Variants in SNED1 observed in about 807,000 individuals in gnomAD.
SNED1 encodes sushi, nidogen and EGF like domains 1, also known as sushi, nidogen and EGF-like domain-containing protein 1.
In SNED1, 81 loss-of-function variants were observed where a neutral mutation model predicts 166.7. That is an observed-to-expected ratio of 0.49 (90% CI 0.41 to 0.58). The LOEUF (loss-of-function observed/expected upper bound fraction) is 0.58. Among genes scored for constraint, SNED1 ranks in the 20% least tolerant of loss-of-function variants. SNED1 has a pLI of 0.00. For synonymous variants in SNED1, 762 were observed against 822.0 expected, an observed-to-expected ratio of 0.93 and a Z score of 1.25; for missense variants, 1,604 against 2,000.2, an observed-to-expected ratio of 0.80 and a Z score of 3.78.
chr2:241,063,943 C>T (rs549928937), intron 18 of SNED1, 69 bp from the exon 19 acceptor site: 11 of 1,192,662 alleles, frequency 9.2e-6, no homozygotes, highest in Admixed American at 2.1e-5. Context: ...CCCTTCTTCC[C>T]GCTGTCCTCT....
In SNED1 at chr2:240,999,184, A is replaced by G; in HGVS notation, c.213+134A>G. 1 of 434,150 alleles carries G rather than the reference A, an allele frequency of 2.3e-6. No individual in the cohort carries two copies. The highest frequency in any genetic ancestry group is 3.5e-6 in the Non-Finnish European group (1 of 282,346). The allele number at this position is 434,150 out of a possible 1,614,324, so 26.9% of individuals were successfully genotyped here. A position where few individuals can be genotyped will look rare whatever the true frequency, so the allele number is the denominator to read the frequency against. On this transcript the variant is annotated intron_variant, in intron 1 of 31. Transcript: ENST00000310397. This position sits in a 1 kb window ranked among gnomAD's most constrained non-coding sequence, Gnocchi z 5.8. ...GGGCGGCCCGAGGTGGAATGAGGACAGCGCTTCCTCCTCGGCGGCCAAGGC... is the reference window on the plus strand; with the variant it reads ...GGGCGGCCCGAGGTGGAATGAGGACGGCGCTTCCTCCTCGGCGGCCAAGGC...
chr2:241,024,264 T>TTA (rs2060871972), intron 1 of SNED1, among the ~76,000 whole-genome samples: 1 of 121,840 alleles, frequency 8.2e-6, no homozygotes, highest in Non-Finnish European at 1.8e-5. Flanking sequence ...TTTTTTTTTT[T>TTA]AGACAGAGTC....
Position 241,071,707 on chromosome 2 carries a change from AC to A in SNED1, c.3724del (p.Gln1242SerfsTer15). Reference sequence around the variant, plus strand: ...TGACCACAGCGCCCCCGAGACCCCCACCCAGCCCCCCAGGTACATGCCCCAC... The same window carrying A: ...TGACCACAGCGCCCCCGAGACCCCCACCAGCCCCCCAGGTACATGCCCCAC... Reference protein sequence around the residue: ...LNDHSAPETPTQPPRFSELVD... With the variant: ...LNDHSAPETPXQPPRFSELVD... On this transcript the variant is annotated frameshift_variant, in exon 25 of 32. Coordinates refer to ENST00000310397, the MANE Select transcript of SNED1 (RefSeq NM_001080437.3). LOFTEE classifies it high-confidence loss of function. 1.2e-6 allele frequency: 1 copy of A among 805,480 alleles called. No homozygotes were observed. The allele number at this position is 805,480 out of a possible 1,614,324, so 49.9% of individuals were successfully genotyped here.
Position 241,068,078 on chromosome 2 carries a change from GA to G in SNED1, c.3194+132del, listed in dbSNP as rs969868367. Reference sequence around the variant, plus strand: ...ACCTGCCGCTCCTCACCTGAGCGGAGACAAAGGTCTCAGGTGAGCCAGCCTC... The same window carrying G: ...ACCTGCCGCTCCTCACCTGAGCGGAGCAAAGGTCTCAGGTGAGCCAGCCTC... On this transcript the variant is annotated intron_variant, in intron 22 of 31. Coordinates refer to ENST00000310397, the MANE Select transcript of SNED1 (RefSeq NM_001080437.3). The surrounding 1 kb of genome is among the most constrained non-coding windows in gnomAD (Gnocchi z 5.3). The G allele has an allele frequency of 6.9e-6, 6 of 869,012 alleles. No individual in the cohort carries two copies. Among genetic ancestry groups the G allele is most frequent in the Non-Finnish European group, 8.7e-6 (5 of 574,690 alleles). The allele number at this position is 869,012 out of a possible 1,614,324, so 53.8% of individuals were successfully genotyped here.
intron 3 of SNED1, among the ~76,000 whole-genome samples, chr2:241,034,247 A>G (rs2061275698): frequency 6.6e-6 from 1 of 152,234 alleles, no homozygotes; most frequent in South Asian, 2.1e-4. Flanking sequence ...GACAATGGCC[A>G]CAGGGTCAGT....
chr2:241,058,395 G>A (rs1235312596), intron 16 of SNED1, among the ~76,000 whole-genome samples: 1 of 151,874 alleles, frequency 6.6e-6, no homozygotes, highest in Non-Finnish European at 1.5e-5. Context: ...AAAAAAATAC[G>A]AAATGATGCT....
rs538742108 is a variant in SNED1, at chr2:241,058,055, T to C, written c.2257+4729T>C. ...GTGGTATAAAACAAGCTAGCACTCT[T>C]AGACATTCCTAAAACATAAGACTAT... On this transcript the variant is annotated intron_variant, in intron 16 of 31. Coordinates refer to ENST00000310397, the MANE Select transcript of SNED1 (RefSeq NM_001080437.3). Among the ~76,000 whole-genome samples, 3 of 152,270 alleles carry C rather than the reference T, an allele frequency of 2.0e-5. No homozygotes were observed. The South Asian group carries it at 6.2e-4, about 32-fold the overall frequency.
At chr2:241,089,192 A>G (rs2063750014) in intron 31 of SNED1, 1 of 1,158,744 alleles carries the variant, frequency 8.6e-7, no homozygotes, top group Non-Finnish European at 1.2e-6. Context: ...ACTGACCATC[A>G]TTTTTTATCA....
intron 16 of SNED1, among the ~76,000 whole-genome samples, chr2:241,056,095 C>T (rs925144530): frequency 6.7e-6 from 1 of 149,958 alleles, no homozygotes; most frequent in Non-Finnish European, 1.5e-5. Context: ...TAGAAAAAGA[C>T]CTTATGGATC....
chr2:241,001,891 G>T (rs988751005), intron 1 of SNED1, among the ~76,000 whole-genome samples: 1 of 152,138 alleles, frequency 6.6e-6, no homozygotes, highest in Non-Finnish European at 1.5e-5. Context: ...TGCAGAGCCC[G>T]CAGGCAAGAA....
At chr2:241,043,740 T>G (rs997733929) in intron 8 of SNED1, among the ~76,000 whole-genome samples, 9 of 152,186 alleles carry the variant, frequency 5.9e-5, no homozygotes, top group African/African-American at 2.2e-4. Flanking sequence ...AGAAAGTAAA[T>G]ACTTTTGGCT....
chr2:241,037,590 G>A (rs1293942124), intron 6 of SNED1, among the ~76,000 whole-genome samples: 1 of 152,208 alleles, frequency 6.6e-6, no homozygotes, highest in African/African-American at 2.4e-5. Context: ...ATGGCATTCG[G>A]ACCAGGGATG....
intron 8 of SNED1, among the ~76,000 whole-genome samples, chr2:241,044,005 C>G (rs1242560143): frequency 6.6e-6 from 1 of 152,080 alleles, no homozygotes; most frequent in Non-Finnish European, 1.5e-5. Context: ...TGAAGGTAGG[C>G]TGTGTAAGTA....
intron 8 of SNED1, among the ~76,000 whole-genome samples, chr2:241,041,771 C>G (rs1236574471): frequency 1.3e-5 from 2 of 152,112 alleles, no homozygotes; most frequent in Non-Finnish European, 2.9e-5. Flanking sequence ...TATTACAAGG[C>G]GCAGATGCTG....
intron 1 of SNED1, among the ~76,000 whole-genome samples, chr2:241,002,654 T>C (rs949565982): frequency 7.9e-5 from 12 of 152,046 alleles, no homozygotes; most frequent in Non-Finnish European, 1.8e-4. Context: ...TGCCTGGACC[T>C]CACAGGCAGC....
rs746327755 is a variant in SNED1 at position 241,036,794 on chromosome 2, C to T, written c.810C>T (p.Ser270=). ...AGCCCCTCCCTATGTCTGCAGCGTC[C>T]GTGTGCCTGGCCCTGCGCCCCTGCC... The part of the protein sequence containing the change: ...VRVGGCGHTT[S]VCLALRPCLN... The change falls in exon 5 of 32, where the codon TCC becomes TCT. Residue 270 remains serine (S), a synonymous_variant. Coordinates refer to ENST00000310397, the MANE Select transcript of SNED1 (RefSeq NM_001080437.3). The T allele has an allele frequency of 1.2e-5, 19 of 1,608,006 alleles. No homozygotes were observed. Among genetic ancestry groups the T allele is most frequent in the Non-Finnish European group, 1.5e-5 (18 of 1,179,608 alleles).
chr2:240,999,031 C>T lies in SNED1; in HGVS notation c.194C>T (p.Ala65Val). ...PLSVPFPFFGAEHSGLYVNNN... is the reference protein window; with the variant it reads ...PLSVPFPFFGVEHSGLYVNNN... Reference sequence around the variant, plus strand: ...TCGGTGCCCTTCCCGTTCTTCGGTGCCGAGCACTCCGGACTCTACGTGAGT... The same window carrying T: ...TCGGTGCCCTTCCCGTTCTTCGGTGTCGAGCACTCCGGACTCTACGTGAGT... Residue 65 changes from alanine (A) to valine (V), a missense_variant, in exon 1 of 32, where the codon GCC (alanine) becomes GTC (valine). This residue lies in a region of SNED1 where 1,237 missense variants were observed against 1,620.8 expected (regional missense o/e 0.76). Coordinates refer to ENST00000310397, the MANE Select transcript of SNED1 (RefSeq NM_001080437.3). The surrounding 1 kb of genome is among the most constrained non-coding windows in gnomAD (Gnocchi z 5.8). 4 of 1,321,768 alleles carry T rather than the reference C, an allele frequency of 3.0e-6. No individual in the cohort carries two copies. The highest frequency in any genetic ancestry group is 3.9e-6 in the Non-Finnish European group (4 of 1,031,082). The allele number at this position is 1,321,768 out of a possible 1,614,324, so 81.9% of individuals were successfully genotyped here.
At position 241,018,057 on chromosome 2, in the gene SNED1, C is replaced by T. The variant is rs540548025; in HGVS notation, c.214-12227C>T. On this transcript the variant is annotated intron_variant, in intron 1 of 31. Coordinates refer to ENST00000310397, the MANE Select transcript of SNED1 (RefSeq NM_001080437.3). The surrounding 1 kb of genome is among the most constrained non-coding windows in gnomAD (Gnocchi z 5.4). ...GTGGTGGGTACCTTGATCCCTTTCC[C>T]GACTGGAGAGGCATTCCAAGGCTCA... is the stretch of plus-strand genomic sequence containing the variant. 2.3e-4 allele frequency among the ~76,000 whole-genome samples: 35 copies of T among 152,310 alleles called. No individual in the cohort carries two copies. The South Asian group carries it at 4.8e-3, about 21-fold the overall frequency.
At chr2:241,089,476 C>G (rs2063767384) in intron 31 of SNED1, 14 of 1,519,646 alleles carry the variant, frequency 9.2e-6, no homozygotes, top group Non-Finnish European at 1.2e-5. Context: ...TCCACACCCC[C>G]TTGGGGGAAA....
Sources: gnomAD v4.1 joint callset for allele counts (sites outside exome capture counted in the v4.1 genomes callset) on GRCh38, gnomAD v4.1.1 for gene constraint, gnomAD v4.1.1 regional missense constraint, Gnocchi (gnomAD v3.1) non-coding constraint, MANE v1.5 for transcripts, NCBI Gene and HGNC (gene_info 2026-07-23, HGNC 2026-07-21) for gene names.